Variants in FUBP3 observed in about 807,000 individuals in gnomAD.
FUBP3 encodes far upstream element-binding protein 3.
A neutral mutation model predicts 85.6 loss-of-function variants in FUBP3; 28 were observed. That is an observed-to-expected ratio of 0.33 (90% CI 0.24 to 0.45). The LOEUF (loss-of-function observed/expected upper bound fraction) is 0.45, where lower values mean the gene tolerates loss of function less well. FUBP3 is among the 20% of genes least tolerant of loss of function. The probability of loss-of-function intolerance (pLI) is 1.00; values close to 1 mark genes in which losing one functional copy is unlikely to be tolerated. For missense variants in FUBP3, 583 were observed against 755.1 expected (o/e 0.77, Z 2.67); for synonymous variants, 271 against 271.4 (o/e 1.00, Z 0.01).
At chr9:130,591,359 C>G (rs917788583) in intron 1 of FUBP3, among the ~76,000 whole-genome samples, 2 of 152,182 alleles carry the variant, frequency 1.3e-5, no homozygotes, top group Non-Finnish European at 2.9e-5. Flanking sequence ...AGGAGAATCT[C>G]TTGAATCCAG....
chr9:130,588,790 C>G (rs1158319025), intron 1 of FUBP3, among the ~76,000 whole-genome samples: 1 of 152,208 alleles, frequency 6.6e-6, no homozygotes, highest in Non-Finnish European at 1.5e-5. Context: ...GGGACCTGCC[C>G]CTGCGGCCCA....
intron 6 of FUBP3, among the ~76,000 whole-genome samples, chr9:130,615,195 G>T (rs1175491978): frequency 1.3e-5 from 2 of 152,196 alleles, no homozygotes; most frequent in Non-Finnish European, 2.9e-5. Context: ...TGGATGGTTT[G>T]CTGGAGTCAA....
chr9:130,602,613 T>C (rs1831210836), intron 2 of FUBP3, among the ~76,000 whole-genome samples: 1 of 152,102 alleles, frequency 6.6e-6, no homozygotes. Flanking sequence ...TGTTGATACT[T>C]TCCCTGAATG....
intron 2 of FUBP3, among the ~76,000 whole-genome samples, chr9:130,605,164 T>C (rs1484255253): frequency 6.6e-6 from 1 of 152,210 alleles, no homozygotes; most frequent in African/African-American, 2.4e-5. Context: ...CATAGAATTC[T>C]TTTTCCTCTT....
At chr9:130,613,075 T>G in intron 5 of FUBP3, 48 bp downstream of exon 5, 1 of 1,202,814 alleles carries the variant, frequency 8.3e-7, no homozygotes. Context: ...AATCAGTATT[T>G]TGCAAAACTT....
At position 130,612,294 on chromosome 9, in the gene FUBP3, C is replaced by T. The variant is rs1028425628; in HGVS notation, c.225-162C>T. Among the ~76,000 whole-genome samples the T allele has an allele frequency of 2.4e-4, 36 of 152,206 alleles. No homozygotes were observed. The highest frequency in any genetic ancestry group is 1.9e-4 in the Non-Finnish European group (13 of 68,042). On this transcript the variant is annotated intron_variant, in intron 3 of 18. Coordinates refer to ENST00000319725, the MANE Select transcript of FUBP3 (RefSeq NM_003934.2). The surrounding 1 kb of genome is among the most constrained non-coding windows in gnomAD (Gnocchi z 4.1). The stretch of plus-strand genomic sequence containing the variant: ...GAGTGATTGACCAGACGGTTCATTA[C>T]GTGACACTCTTTGTAGGTGGTGGTG...
chr9:130,630,505 G>C, intron 12 of FUBP3, 123 bp from the exon 13 acceptor site: 3 of 666,962 alleles, frequency 4.5e-6, no homozygotes, highest in Non-Finnish European at 7.2e-6. Context: ...CTTCTCTACT[G>C]TCAGGGCAAG....
At position 130,582,653 on chromosome 9, in the gene FUBP3, C is replaced by T. The variant is rs1367110714; in HGVS notation, c.84+2889C>T. ...CATCCTGTTCCACAGCCGTCCTCTG[C>T]ACTTCTATACTGACTGTCTGCCTAG... On this transcript the variant is annotated intron_variant, in intron 1 of 18. Transcript: ENST00000319725. Among the ~76,000 whole-genome samples, 5 of 152,194 alleles carry T rather than the reference C, an allele frequency of 3.3e-5. No homozygotes were observed. The East Asian group carries it at 9.6e-4, about 29-fold the overall frequency.
chr9:130,580,758 A>G (rs545592816), intron 1 of FUBP3: 1 of 152,238 alleles, frequency 6.6e-6, no homozygotes, highest in Non-Finnish European at 1.5e-5. Context: ...AGGGAACCCT[A>G]CCTGTTTCCC....
At chr9:130,632,046 T>C (rs753978394) in intron 15 of FUBP3, 24 bp downstream of exon 15, 15 of 1,569,168 alleles carry the variant, frequency 9.6e-6, no homozygotes, top group African/African-American at 8.1e-5. Flanking sequence ...TGTGACTCAG[T>C]TGGGGACAGA....
chr9:130,605,379 G>A (rs1043581660), intron 2 of FUBP3, among the ~76,000 whole-genome samples: 7 of 152,344 alleles, frequency 4.6e-5, no homozygotes, highest in African/African-American at 1.7e-4. Flanking sequence ...GATCAAGAGA[G>A]TTAATAGCAC....
chr9:130,630,590 C>T (rs1181924277), intron 12 of FUBP3, 38 bp from the exon 13 acceptor site: 2 of 1,517,934 alleles, frequency 1.3e-6, no homozygotes, highest in East Asian at 2.6e-5. Context: ...TTGCCGCAGT[C>T]TCTGCTTACT....
chr9:130,582,249 G>C (rs1329303835), intron 1 of FUBP3, among the ~76,000 whole-genome samples: 1 of 151,986 alleles, frequency 6.6e-6, no homozygotes, highest in East Asian at 1.9e-4. Flanking sequence ...TCAGGGGTTT[G>C]ATACCAGCCT....
chr9:130,629,442 G>A (rs903107607), intron 12 of FUBP3, among the ~76,000 whole-genome samples: 5 of 152,234 alleles, frequency 3.3e-5, no homozygotes, highest in African/African-American at 1.2e-4. Context: ...TCCCCCGTAA[G>A]GGCAGCCCCT....
chr9:130,627,613 AT>A (rs940066446), intron 12 of FUBP3, among the ~76,000 whole-genome samples: 11 of 152,172 alleles, frequency 7.2e-5, no homozygotes, highest in African/African-American at 2.7e-4. Context: ...CAGAGTTGGT[AT>A]GGGTTCGTGT....
chr9:130,621,910 AAAAG>A (rs1386858302), intron 9 of FUBP3, among the ~76,000 whole-genome samples: 1 of 151,860 alleles, frequency 6.6e-6, no homozygotes, highest in Non-Finnish European at 1.5e-5. Flanking sequence ...GTCTCAAAAA[AAAAG>A]AAAAAAAAAA....
intron 18 of FUBP3, 196 bp downstream of exon 18, chr9:130,636,322 A>C: frequency 1.4e-6 from 1 of 692,602 alleles, no homozygotes. Context: ...GGAGAAAAAG[A>C]GTTTAGGCCA....
chr9:130,622,087 C>T (rs988181436), intron 9 of FUBP3, among the ~76,000 whole-genome samples: 6 of 151,912 alleles, frequency 3.9e-5, no homozygotes, highest in South Asian at 2.1e-4. Flanking sequence ...CTTTGGGAGG[C>T]TAAGACAGGC....
At position 130,612,545 on chromosome 9, in the gene FUBP3, C is replaced by G. The variant is rs773786307; in HGVS notation, c.274+40C>G. The G allele has an allele frequency of 3.2e-6, 4 of 1,262,430 alleles. No homozygotes were observed. The highest frequency in any genetic ancestry group is 4.6e-6 in the Non-Finnish European group (4 of 865,088). The allele number at this position is 1,262,430 out of a possible 1,614,324, so 78.2% of individuals were successfully genotyped here. ...TGTCTACTTTTTCCCTGATTCCTGT[C>G]TCTTCTTTTTCTCTCTTTTTTTCTG... On this transcript the variant is annotated intron_variant, in intron 4 of 18. Transcript: ENST00000319725. The surrounding 1 kb of genome is among the most constrained non-coding windows in gnomAD (Gnocchi z 4.1).
Sources: allele counts gnomAD v4.1 joint callset (sites outside exome capture counted in the v4.1 genomes callset), GRCh38; gene constraint gnomAD v4.1.1; non-coding constraint Gnocchi (gnomAD v3.1); transcripts MANE v1.5; gene names NCBI Gene and HGNC (gene_info 2026-07-23, HGNC 2026-07-21).